The following CNTN5 variants were observed in gnomAD, a reference collection of about 807,000 sequenced individuals.
The protein encoded by CNTN5 is contactin-5.
CNTN5 carries 77 observed loss-of-function variants against 129.1 expected under a neutral mutation model. The ratio of observed to expected loss-of-function variants is 0.60; its 90% CI spans 0.50 to 0.72. The LOEUF is 0.72. Among genes scored for constraint, CNTN5 ranks in the 30% least tolerant of loss-of-function variants. CNTN5 has a pLI of 0.00. For synonymous variants in CNTN5, 509 were observed against 465.6 expected (o/e 1.09, Z -1.20); for missense variants, 1,478 against 1,328.8 (o/e 1.11, Z -1.75).
chr11:99,255,287 A>G (rs923467198), intron 1 of CNTN5, among the ~76,000 whole-genome samples: 9 of 151,834 alleles, frequency 5.9e-5, no homozygotes, highest in African/African-American at 1.9e-4. Context: ...AATTAAGCAT[A>G]TAGTTATTTA....
chr11:99,626,271 C>T (rs537788240), intron 3 of CNTN5, among the ~76,000 whole-genome samples: 1 of 152,148 alleles, frequency 6.6e-6, no homozygotes, highest in African/African-American at 2.4e-5. Context: ...GGAAAGGTTG[C>T]TTGGATCCAA....
chr11:99,861,717 G>A (rs1052659300), intron 6 of CNTN5, among the ~76,000 whole-genome samples: 1 of 152,134 alleles, frequency 6.6e-6, no homozygotes, highest in East Asian at 1.9e-4. Flanking sequence ...TCGCAGTAAT[G>A]TAATTTAACT....
chr11:99,479,675 A>C (rs1945514062), intron 2 of CNTN5, among the ~76,000 whole-genome samples: 1 of 152,158 alleles, frequency 6.6e-6, no homozygotes, highest in East Asian at 1.9e-4. Flanking sequence ...TCTTCTCTTA[A>C]AGTTTTTAAG....
chr11:99,969,979 C>T (rs989601448), intron 8 of CNTN5, among the ~76,000 whole-genome samples: 4 of 152,188 alleles, frequency 2.6e-5, no homozygotes, highest in Non-Finnish European at 5.9e-5. Flanking sequence ...CACAAACTAA[C>T]TTCTGCAGCT....
At chr11:99,581,841 G>T (rs1016982616) in intron 3 of CNTN5, among the ~76,000 whole-genome samples, 30 of 152,088 alleles carry the variant, frequency 2.0e-4, no homozygotes, top group Non-Finnish European at 2.9e-4. Context: ...GGTTATTATT[G>T]TTATATGTGA....
At chr11:100,232,818 G>A (rs1949519306) in intron 16 of CNTN5, among the ~76,000 whole-genome samples, 2 of 152,094 alleles carry the variant, frequency 1.3e-5, no homozygotes, top group South Asian at 4.1e-4. Flanking sequence ...AGCACATTTT[G>A]CTCTCTGACC....
chr11:99,247,887 G>C (rs1861899146), intron 1 of CNTN5, among the ~76,000 whole-genome samples: 1 of 152,158 alleles, frequency 6.6e-6, no homozygotes, highest in South Asian at 2.1e-4. Flanking sequence ...TTGGTTCCAA[G>C]TCTTTGCTAT....
chr11:99,712,208 T>C (rs910650751), intron 3 of CNTN5, among the ~76,000 whole-genome samples: 2 of 152,206 alleles, frequency 1.3e-5, no homozygotes, highest in African/African-American at 4.8e-5. Flanking sequence ...GTGGTTTTCA[T>C]TTGCATTTCT....
intron 21 of CNTN5, chr11:100,337,478 T>C (rs756664529): frequency 4.0e-6 from 3 of 743,418 alleles, no homozygotes; most frequent in Non-Finnish European, 7.5e-6. Context: ...ACCCAAGACC[T>C]GAGGGACTGA....
intron 9 of CNTN5, among the ~76,000 whole-genome samples, chr11:100,016,870 T>A (rs1019531178): frequency 6.6e-6 from 1 of 151,518 alleles, no homozygotes; most frequent in African/African-American, 2.4e-5. Context: ...GTGTGACCGG[T>A]CACTGGTTTT....
At chr11:100,319,197 G>A (rs1951634070) in intron 21 of CNTN5, among the ~76,000 whole-genome samples, 1 of 147,816 alleles carries the variant, frequency 6.8e-6, no homozygotes, top group African/African-American at 2.5e-5. Flanking sequence ...CTATTGCCCA[G>A]GCTGGAGTGC....
At chr11:99,502,064 C>A (rs778805195) in intron 2 of CNTN5, among the ~76,000 whole-genome samples, 2 of 152,200 alleles carry the variant, frequency 1.3e-5, no homozygotes, top group Non-Finnish European at 2.9e-5. Flanking sequence ...TGTATCTAAT[C>A]TTCGGCCTCA....
chr11:100,196,158 C>CACTT (rs1385196106), intron 15 of CNTN5, among the ~76,000 whole-genome samples: 1 of 151,908 alleles, frequency 6.6e-6, no homozygotes, highest in Admixed American at 6.6e-5. Flanking sequence ...GGGACTTAAG[C>CACTT]AGGAATAGAG....
chr11:99,742,578 A>T (rs960132089), intron 3 of CNTN5, among the ~76,000 whole-genome samples: 3 of 152,134 alleles, frequency 2.0e-5, no homozygotes, highest in Non-Finnish European at 2.9e-5. Context: ...TAATTCTGTC[A>T]TTTATAGCTT....
intron 8 of CNTN5, among the ~76,000 whole-genome samples, chr11:99,970,186 T>G (rs1431157584): frequency 1.3e-5 from 2 of 152,166 alleles, no homozygotes; most frequent in Non-Finnish European, 2.9e-5. Flanking sequence ...CTGACACCCA[T>G]ATCAGTGGCT....
At chr11:99,523,255 T>G (rs939035490) in intron 2 of CNTN5, among the ~76,000 whole-genome samples, 1 of 152,220 alleles carries the variant, frequency 6.6e-6, no homozygotes, top group African/African-American at 2.4e-5. Flanking sequence ...CTTATCACAC[T>G]GTATTTGAAC....
intron 2 of CNTN5, among the ~76,000 whole-genome samples, chr11:99,493,161 C>T (rs1185994007): frequency 6.6e-6 from 1 of 152,154 alleles, no homozygotes; most frequent in Non-Finnish European, 1.5e-5. Context: ...TATATTTTAA[C>T]TTATATAGTT....
At chr11:99,495,304 G>A (rs1423384954) in intron 2 of CNTN5, among the ~76,000 whole-genome samples, 1 of 152,296 alleles carries the variant, frequency 6.6e-6, no homozygotes, top group South Asian at 2.1e-4. Context: ...GGAGGCGGAG[G>A]CTGTAGAGAG....
At chr11:99,976,232 C>T (rs1253970286) in intron 8 of CNTN5, among the ~76,000 whole-genome samples, 1 of 152,202 alleles carries the variant, frequency 6.6e-6, no homozygotes. Flanking sequence ...TTTGTCTCTG[C>T]AGGATACAGC....
Sources: gnomAD v4.1 joint callset for allele counts (sites outside exome capture counted in the v4.1 genomes callset) on GRCh38, gnomAD v4.1.1 for gene constraint, MANE v1.5 for transcripts, NCBI Gene and HGNC (gene_info 2026-07-23, HGNC 2026-07-21) for gene names.